Variants in NRCAM observed in about 807,000 individuals in gnomAD.
NRCAM encodes the protein NgCAM-related cell adhesion molecule.
In NRCAM, 83 loss-of-function variants were observed where a neutral mutation model predicts 156.5. That is an observed-to-expected ratio of 0.53 (90% CI 0.44 to 0.64). NRCAM has a LOEUF of 0.64. Ranked by LOEUF, NRCAM falls within the 30% of genes least tolerant of loss-of-function variation. NRCAM has a pLI of 0.00. For missense variants in NRCAM, 1,417 were observed against 1,597.3 expected, an observed-to-expected ratio of 0.89 and a Z score of 1.92; for synonymous variants, 538 against 563.9, an observed-to-expected ratio of 0.95 and a Z score of 0.65.
At chr7:108,255,588 C>G (rs2096597244) in intron 3 of NRCAM, among the ~76,000 whole-genome samples, 1 of 152,284 alleles carries the variant, frequency 6.6e-6, no homozygotes, top group Admixed American at 6.5e-5. Flanking sequence ...CGGCCGCCAC[C>G]CCGTCTGGGA....
At chr7:108,201,996 A>G (rs1394940213) in intron 13 of NRCAM, among the ~76,000 whole-genome samples, 1 of 152,188 alleles carries the variant, frequency 6.6e-6, no homozygotes, top group Non-Finnish European at 1.5e-5. Flanking sequence ...ACAGAGTAAA[A>G]TCACTAATGT....
At chr7:108,198,154 A>G in intron 13 of NRCAM, 55 bp from the exon 14 acceptor site, 1 of 1,423,488 alleles carries the variant, frequency 7.0e-7, no homozygotes, top group Non-Finnish European at 9.5e-7. Flanking sequence ...AAAGATGTAT[A>G]TTAAGCTTGT....
At chr7:108,342,519 A>G (rs2099300198) in intron 2 of NRCAM, among the ~76,000 whole-genome samples, 1 of 152,262 alleles carries the variant, frequency 6.6e-6, no homozygotes, top group Admixed American at 6.5e-5. Flanking sequence ...CCCATTTAGT[A>G]AGATGGACAC....
In NRCAM at chr7:108,326,706, T is replaced by A. The variant is rs570148068; in HGVS notation, c.-173-13975A>T. Among the ~76,000 whole-genome samples the A allele has an allele frequency of 2.6e-5, 4 of 152,294 alleles. No homozygotes were observed. In the East Asian group the frequency reaches 7.7e-4, roughly 29 times the overall value. ...ATATTGTGTAAGTAAACATGAGACC[T>A]AGGGAAGGTTTACAGATTTGATCCT... On this transcript the variant is annotated intron_variant, in intron 2 of 32. Transcript: ENST00000379028.
chr7:108,244,569 A>G (rs1180703030), intron 3 of NRCAM, among the ~76,000 whole-genome samples: 1 of 152,072 alleles, frequency 6.6e-6, no homozygotes, highest in Non-Finnish European at 1.5e-5. Flanking sequence ...ACGACTAATA[A>G]TTAACACATC....
At chr7:108,280,080 A>C (rs537510900) in intron 3 of NRCAM, among the ~76,000 whole-genome samples, 1 of 152,304 alleles carries the variant, frequency 6.6e-6, no homozygotes. Context: ...TTGTATCCAA[A>C]CCATTTAATA....
At chr7:108,164,558 G>A (rs1347023860) in intron 30 of NRCAM, among the ~76,000 whole-genome samples, 1 of 148,658 alleles carries the variant, frequency 6.7e-6, no homozygotes, top group African/African-American at 2.5e-5. Context: ...GAGAGGAGAG[G>A]AGAGGAGAGG....
Position 108,195,839 on chromosome 7 carries a change from G to A in NRCAM, c.1385C>T (p.Thr462Ile), listed in dbSNP as rs899774006. The A allele has an allele frequency of 6.2e-7, 1 of 1,613,416 alleles. No individual in the cohort carries two copies. Among genetic ancestry groups the A allele is most frequent in the Non-Finnish European group, 8.5e-7 (1 of 1,179,512 alleles). Reference sequence around the variant, plus strand: ...CCTGTTTGCAATGACCTGGTAGAGTGTGTTTGCAGGTGTGAGGATTCGTGG... The same window carrying A: ...CCTGTTTGCAATGACCTGGTAGAGTATGTTTGCAGGTGTGAGGATTCGTGG... ...EPPRILTPAN[T>I]LYQVIANRPA... is the part of the protein sequence containing the mutation. The change falls in exon 15 of 33, where the codon ACA becomes ATA. Residue 462 changes from threonine (T) to isoleucine (I), a missense_variant. By Grantham distance (89) the Thr-to-Ile change is moderately conservative. Transcript: ENST00000379028.
chr7:108,368,850 A>G (rs1223269859), intron 2 of NRCAM, among the ~76,000 whole-genome samples: 1 of 152,214 alleles, frequency 6.6e-6, no homozygotes, highest in Non-Finnish European at 1.5e-5. Flanking sequence ...ATATTCTTAC[A>G]TGGGCAACTA....
In NRCAM at chr7:108,370,618, A is replaced by G. The variant is rs556907908; in HGVS notation, c.-174+28818T>C. ...TTTCAGATAGCCAAATATTTAACTC[A>G]TTGGCCCCGATTTCCTTAATATTAT... On this transcript the variant is annotated intron_variant, in intron 2 of 32. Transcript: ENST00000379028. 2.0e-5 allele frequency among the ~76,000 whole-genome samples: 3 copies of G among 152,254 alleles called. No individual in the cohort carries two copies. In the East Asian group the frequency reaches 5.8e-4, roughly 29 times the overall value.
chr7:108,437,505 T>C (rs1477403543), intron 1 of NRCAM, among the ~76,000 whole-genome samples: 1 of 152,200 alleles, frequency 6.6e-6, no homozygotes, highest in Non-Finnish European at 1.5e-5. Context: ...ATAAGATTAT[T>C]ACACATTGCA....
chr7:108,209,687 T>C, intron 11 of NRCAM, 82 bp from the exon 12 acceptor site: 1 of 952,750 alleles, frequency 1.0e-6, no homozygotes, highest in Admixed American at 2.6e-5. Context: ...CATGCAACTT[T>C]GTAACAAATC....
intron 1 of NRCAM, among the ~76,000 whole-genome samples, chr7:108,454,275 T>C (rs1347501725): frequency 1.3e-5 from 2 of 152,180 alleles, no homozygotes; most frequent in Non-Finnish European, 2.9e-5. Context: ...TTGTAATGTA[T>C]CTCCCTGGTT....
intron 1 of NRCAM, among the ~76,000 whole-genome samples, chr7:108,452,361 T>A (rs757473195): frequency 1.5e-4 from 23 of 152,230 alleles, no homozygotes; most frequent in Non-Finnish European, 2.8e-4. Context: ...GTTGTACATA[T>A]TAAATGTATA....
At chr7:108,173,918 C>T (rs191718547) in intron 28 of NRCAM, among the ~76,000 whole-genome samples, 3 of 152,214 alleles carry the variant, frequency 2.0e-5, no homozygotes, top group Non-Finnish European at 1.5e-5. Flanking sequence ...GTGACAAGTC[C>T]ACTGAGAATT....
intron 2 of NRCAM, among the ~76,000 whole-genome samples, chr7:108,355,391 T>C (rs950675222): frequency 1.3e-5 from 2 of 152,158 alleles, no homozygotes; most frequent in African/African-American, 4.8e-5. Context: ...ATTTTTAAAA[T>C]AATAATAACA....
At position 108,168,366 on chromosome 7, in the gene NRCAM, G is replaced by A. The variant is rs1323404366; in HGVS notation, c.3224C>T (p.Ala1075Val). 6.2e-7 allele frequency: 1 copy of A among 1,606,814 alleles called. No homozygotes were observed. The highest frequency in any genetic ancestry group is 1.3e-5 in the African/African-American group (1 of 74,786). The change falls in exon 29 of 33, where the codon GCT becomes GTT. Residue 1075 changes from alanine (A) to valine (V), a missense_variant. By Grantham distance (64) the Ala-to-Val change is moderately conservative. Transcript: ENST00000379028. Reference sequence around the variant, plus strand: ...ATTGGCATAGGTCTCAGCAGCTGCAGCAGTAAGATTGCTGATCCTGGGATT... The same window carrying A: ...ATTGGCATAGGTCTCAGCAGCTGCAACAGTAAGATTGCTGATCCTGGGATT... ...AVNPRISNLT[A>V]AAAETYANIS...
At chr7:108,354,701 C>A (rs2099469456) in intron 2 of NRCAM, among the ~76,000 whole-genome samples, 1 of 151,870 alleles carries the variant, frequency 6.6e-6, no homozygotes, top group African/African-American at 2.4e-5. Context: ...TCCAGACCAG[C>A]CTGACCAACA....
chr7:108,417,202 T>C (rs118063243), intron 1 of NRCAM, among the ~76,000 whole-genome samples: 427 of 152,352 alleles, frequency 2.8e-3, no homozygotes, highest in Middle Eastern at 6.8e-3. Flanking sequence ...TTTTAATTGC[T>C]ATGGAGATGT....
Sources: allele counts gnomAD v4.1 joint callset (sites outside exome capture counted in the v4.1 genomes callset), GRCh38; gene constraint gnomAD v4.1.1; transcripts MANE v1.5; gene names NCBI Gene and HGNC (gene_info 2026-07-23, HGNC 2026-07-21).